The following CERK variants were observed in gnomAD, a reference collection of about 807,000 sequenced individuals.
CERK encodes acylsphingosine kinase.
CERK carries 39 observed loss-of-function variants against 63.4 expected under a neutral mutation model. The observed-to-expected ratio is 0.61, with a 90% CI of 0.48 to 0.80. The LOEUF (loss-of-function observed/expected upper bound fraction) is 0.80, where lower values mean the gene tolerates loss of function less well. CERK is among the 30% of genes least tolerant of loss of function. CERK has a pLI of 0.00. For synonymous variants in CERK, 302 were observed against 280.0 expected (o/e 1.08, Z -0.78); for missense variants, 670 against 714.1 (o/e 0.94, Z 0.70).
intron 6 of CERK, among the ~76,000 whole-genome samples, chr22:46,706,321 T>C (rs983139425): frequency 6.6e-6 from 1 of 152,168 alleles, no homozygotes; most frequent in Non-Finnish European, 1.5e-5. Context: ...TCCCCACTCC[T>C]AACTGCCTGG....
chr22:46,703,573 G>A (rs539067944), intron 6 of CERK, among the ~76,000 whole-genome samples: 2 of 152,238 alleles, frequency 1.3e-5, no homozygotes, highest in Admixed American at 6.5e-5. Flanking sequence ...GGCCACCCTT[G>A]GGTGTCTCCC....
At chr22:46,708,833 A>G (rs559162352) in intron 5 of CERK, among the ~76,000 whole-genome samples, 5 of 152,184 alleles carry the variant, frequency 3.3e-5, no homozygotes, top group African/African-American at 1.2e-4. Flanking sequence ...TCACCCGGGA[A>G]GAGAGGGTTG....
chr22:46,733,416 CCTGAGAGG>C (rs2082956190), intron 1 of CERK, among the ~76,000 whole-genome samples: 1 of 150,982 alleles, frequency 6.6e-6, no homozygotes, highest in African/African-American at 2.4e-5. Context: ...GCCTCAGCCT[CCTGAGAGG>C]CTGGGATTAT....
chr22:46,728,949 C>T (rs1569330800), intron 1 of CERK, among the ~76,000 whole-genome samples: 2 of 152,216 alleles, frequency 1.3e-5, no homozygotes, highest in African/African-American at 2.4e-5. Context: ...CAGCCTCACT[C>T]CTGAGGGGCC....
intron 1 of CERK, among the ~76,000 whole-genome samples, chr22:46,736,315 T>C (rs1307149281): frequency 6.6e-6 from 1 of 152,240 alleles, no homozygotes; most frequent in Non-Finnish European, 1.5e-5. Context: ...CCCACACAGA[T>C]GCCCTGTAAG....
At chr22:46,737,131 T>C (rs933355182) in intron 1 of CERK, among the ~76,000 whole-genome samples, 54 of 151,856 alleles carry the variant, frequency 3.6e-4, no homozygotes, top group African/African-American at 1.2e-3. Flanking sequence ...CTGTCTCTAC[T>C]AAAATACAAA....
intron 1 of CERK, among the ~76,000 whole-genome samples, chr22:46,725,849 C>A (rs2082915657): frequency 6.6e-6 from 1 of 152,236 alleles, no homozygotes; most frequent in African/African-American, 2.4e-5. Flanking sequence ...GTAATGCCTG[C>A]TAGGGGCAGC....
intron 1 of CERK, among the ~76,000 whole-genome samples, chr22:46,726,603 C>T (rs535846370): frequency 2.5e-4 from 38 of 152,322 alleles, no homozygotes; most frequent in African/African-American, 7.9e-4. Context: ...CCTGGCAACC[C>T]GCCGCTCAGT....
intron 3 of CERK, among the ~76,000 whole-genome samples, chr22:46,717,679 C>T (rs2082872865): frequency 1.3e-5 from 2 of 152,194 alleles, no homozygotes; most frequent in African/African-American, 4.8e-5. Flanking sequence ...CACAGGGGCA[C>T]GGTGGGGGAC....
intron 12 of CERK, among the ~76,000 whole-genome samples, chr22:46,688,466 C>A (rs73471148): frequency 1.3e-5 from 2 of 152,204 alleles, no homozygotes; most frequent in African/African-American, 4.8e-5. Context: ...CTGGGGTGGC[C>A]GGTGTTCCTG....
chr22:46,689,516 A>G (rs2082719466), intron 12 of CERK, among the ~76,000 whole-genome samples: 2 of 152,140 alleles, frequency 1.3e-5, no homozygotes, highest in African/African-American at 2.4e-5. Flanking sequence ...GATTACAGGC[A>G]TGCACCATCA....
intron 12 of CERK, among the ~76,000 whole-genome samples, chr22:46,688,588 G>T (rs962986486): frequency 1.3e-5 from 2 of 152,252 alleles, no homozygotes; most frequent in African/African-American, 2.4e-5. Context: ...TTGTTCGGAT[G>T]CGAATGGGAG....
chr22:46,702,004 A>G (rs1280957890), intron 6 of CERK, among the ~76,000 whole-genome samples: 1 of 152,002 alleles, frequency 6.6e-6, no homozygotes, highest in African/African-American at 2.4e-5. Flanking sequence ...AACATGGTGA[A>G]ACTCCGACTC....
chr22:46,701,925 C>T (rs2082786644), intron 6 of CERK, among the ~76,000 whole-genome samples: 2 of 152,224 alleles, frequency 1.3e-5, no homozygotes, highest in East Asian at 3.9e-4. Flanking sequence ...TCACGCCTGT[C>T]ATCCCAGCAC....
intron 1 of CERK, among the ~76,000 whole-genome samples, chr22:46,721,964 G>A (rs2082894823): frequency 6.6e-6 from 1 of 152,214 alleles, no homozygotes; most frequent in Non-Finnish European, 1.5e-5. Flanking sequence ...CAGCAGAGCT[G>A]TGGGAGGTGA....
chr22:46,703,462 C>T (rs1284533465), intron 6 of CERK, among the ~76,000 whole-genome samples: 3 of 152,164 alleles, frequency 2.0e-5, no homozygotes, highest in African/African-American at 4.8e-5. Flanking sequence ...ACCGGCCGTG[C>T]GCATCCAGGC....
At chr22:46,720,249 G>C in intron 2 of CERK, 41 bp from the exon 3 acceptor site, 1 of 1,583,054 alleles carries the variant, frequency 6.3e-7, no homozygotes, top group Non-Finnish European at 8.6e-7. Flanking sequence ...AAAGTTTGCA[G>C]GGTCACTGAC....
At chr22:46,708,664 CTA>C (rs1179132224) in intron 5 of CERK, among the ~76,000 whole-genome samples, 1 of 152,166 alleles carries the variant, frequency 6.6e-6, no homozygotes, top group African/African-American at 2.4e-5. Flanking sequence ...GTGTGCTGTC[CTA>C]TGCCGGGGGT....
chr22:46,705,117 T>A (rs1346350095), intron 6 of CERK, among the ~76,000 whole-genome samples: 1 of 152,190 alleles, frequency 6.6e-6, no homozygotes, highest in Non-Finnish European at 1.5e-5. Context: ...GGGTGGCCTT[T>A]ATGGGAGAAT....
Sources: gnomAD v4.1 joint callset for allele counts (sites outside exome capture counted in the v4.1 genomes callset) on GRCh38, gnomAD v4.1.1 for gene constraint, MANE v1.5 for transcripts, NCBI Gene and HGNC (gene_info 2026-07-23, HGNC 2026-07-21) for gene names.